KLF8: variants seen among roughly 807,000 people sequenced by gnomAD.
The protein encoded by KLF8 is KLF transcription factor 8, also known as Krueppel-like factor 8.
In KLF8, 10 loss-of-function variants were observed where a neutral mutation model predicts 18.2. That is an observed-to-expected ratio of 0.55 (90% CI 0.34 to 0.93). The LOEUF is 0.93. Ranked by LOEUF, KLF8 falls within the 40% of genes least tolerant of loss-of-function variation. The pLI is 0.02. For synonymous variants in KLF8, 109 were observed against 97.3 expected, an observed-to-expected ratio of 1.12 and a Z score of -0.71; for missense variants, 264 against 277.9, an observed-to-expected ratio of 0.95 and a Z score of 0.36.
the KLF8 span, among the ~76,000 whole-genome samples, chrX:56,018,487 G>A: frequency 9.0e-6 from 1 of 111,326 alleles, no homozygotes; most frequent in South Asian, 3.7e-4. Flanking sequence ...TGTATTGGGT[G>A]GAAAGAAGAA....
At chrX:56,138,765 G>T in the KLF8 span, among the ~76,000 whole-genome samples, 1 of 111,280 alleles carries the variant, frequency 9.0e-6, no homozygotes, top group African/African-American at 3.3e-5. Context: ...AAAAGACAAG[G>T]ATGCCAATTC....
At chrX:56,160,583 T>A in the KLF8 span, among the ~76,000 whole-genome samples, 7 of 111,617 alleles carry the variant, frequency 6.3e-5, no homozygotes, top group African/African-American at 2.3e-4. Flanking sequence ...CTGTATTGGG[T>A]GCATATATAT....
the KLF8 span, among the ~76,000 whole-genome samples, chrX:55,967,401 A>G: frequency 9.0e-6 from 1 of 111,289 alleles, no homozygotes; most frequent in Non-Finnish European, 1.9e-5. Context: ...TAAAGCTCCA[A>G]TACCTCTGGA....
the KLF8 span, among the ~76,000 whole-genome samples, chrX:56,151,123 G>A: frequency 1.8e-5 from 2 of 111,636 alleles, no homozygotes; most frequent in Non-Finnish European, 3.8e-5. Context: ...AGAGAACAAA[G>A]GAATTAGAAG....
intron 2 of KLF8, among the ~76,000 whole-genome samples, chrX:56,264,819 CATT>C (rs1215404154): frequency 8.9e-6 from 1 of 111,736 alleles, no homozygotes; most frequent in Non-Finnish European, 1.9e-5. Context: ...AAACTATTCA[CATT>C]ATTCTATCAT....
chrX:55,987,797 A>G, the KLF8 span, among the ~76,000 whole-genome samples: 2 of 112,135 alleles, frequency 1.8e-5, no homozygotes, highest in Non-Finnish European at 3.8e-5. Flanking sequence ...CAATGGTTGA[A>G]CTAGTTTACA....
chrX:56,230,275 G>A (rs1163282013), upstream of KLF8, among the ~76,000 whole-genome samples: 1 of 111,906 alleles, frequency 8.9e-6, no homozygotes, highest in Non-Finnish European at 1.9e-5. Context: ...ACTGCTTAAT[G>A]TCTTTCACAC....
chrX:56,127,513 A>T, the KLF8 span, among the ~76,000 whole-genome samples: 1 of 110,391 alleles, frequency 9.1e-6, no homozygotes, highest in Non-Finnish European at 1.9e-5. Flanking sequence ...TAAAAAAAAT[A>T]ATAATAACCA....
At chrX:56,174,407 T>C in the KLF8 span, among the ~76,000 whole-genome samples, 2 of 112,072 alleles carry the variant, frequency 1.8e-5, no homozygotes, top group Non-Finnish European at 3.8e-5. Context: ...TTTATTAATT[T>C]TCGTATGTTG....
the KLF8 span, among the ~76,000 whole-genome samples, chrX:56,046,141 A>G: frequency 1.8e-5 from 2 of 111,885 alleles, no homozygotes; most frequent in African/African-American, 6.5e-5. Context: ...TATGTGGTGT[A>G]TCACATTTAT....
the KLF8 span, among the ~76,000 whole-genome samples, chrX:56,047,116 C>T: frequency 1.8e-5 from 2 of 109,522 alleles, no homozygotes; most frequent in Admixed American, 2.0e-4. Context: ...TGTCTTTGAG[C>T]TCTGAGTTTC....
At chrX:56,134,216 A>G in the KLF8 span, among the ~76,000 whole-genome samples, 23 of 111,678 alleles carry the variant, frequency 2.1e-4, no homozygotes, top group Non-Finnish European at 4.0e-4. Flanking sequence ...CCAAAGTAAA[A>G]CTAAGCAAAA....
the KLF8 span, among the ~76,000 whole-genome samples, chrX:55,975,835 C>A: frequency 2.7e-5 from 3 of 111,717 alleles, no homozygotes; most frequent in Non-Finnish European, 5.6e-5. Context: ...CATGGCCAGG[C>A]GCGGTGGCTT....
At chrX:56,064,069 A>G in the KLF8 span, among the ~76,000 whole-genome samples, 3 of 107,292 alleles carry the variant, frequency 2.8e-5, no homozygotes, top group Non-Finnish European at 5.8e-5. Flanking sequence ...ATGTATATAC[A>G]TATATACATG....
At chrX:56,098,348 C>A in the KLF8 span, among the ~76,000 whole-genome samples, 1 of 111,433 alleles carries the variant, frequency 9.0e-6, no homozygotes, top group African/African-American at 3.3e-5. Flanking sequence ...AGACACCTAG[C>A]CAATGTGATA....
the KLF8 span, among the ~76,000 whole-genome samples, chrX:56,198,008 T>A: frequency 8.9e-6 from 1 of 112,255 alleles, no homozygotes; most frequent in African/African-American, 3.2e-5. Context: ...TCTCAATAGA[T>A]GCAGAAAAGG....
chrX:56,278,692 T>A (rs2067156829), intron 5 of KLF8, among the ~76,000 whole-genome samples: 1 of 111,278 alleles, frequency 9.0e-6, no homozygotes, highest in Non-Finnish European at 1.9e-5. Flanking sequence ...TCCCCGCAAG[T>A]CCACTGGCTC....
At chrX:55,963,291 T>C in the KLF8 span, among the ~76,000 whole-genome samples, 26 of 112,100 alleles carry the variant, frequency 2.3e-4, no homozygotes, top group African/African-American at 7.8e-4. Flanking sequence ...TCTTCAAGGA[T>C]TGTATATTTG....
the KLF8 span, among the ~76,000 whole-genome samples, chrX:56,077,027 G>A: frequency 9.0e-6 from 1 of 111,657 alleles, no homozygotes; most frequent in Non-Finnish European, 1.9e-5. Context: ...GTTCATTGTA[G>A]ATTCTGGATA....
Sources: allele counts gnomAD v4.1 joint callset (sites outside exome capture counted in the v4.1 genomes callset), GRCh38; gene constraint gnomAD v4.1.1; transcripts MANE v1.5; gene names NCBI Gene and HGNC (gene_info 2026-07-23, HGNC 2026-07-21).